EPB41L1: variants seen among roughly 807,000 people sequenced by gnomAD.
EPB41L1 encodes the protein band 4.1-like protein 1.
EPB41L1 carries 29 observed loss-of-function variants against 97.8 expected under a neutral mutation model. The ratio of observed to expected loss-of-function variants is 0.30; its 90% CI spans 0.22 to 0.40. The LOEUF (loss-of-function observed/expected upper bound fraction) is 0.40. Ranked by LOEUF, EPB41L1 falls within the 10% of genes least tolerant of loss-of-function variation. The pLI is 1.00. For synonymous variants in EPB41L1, 383 were observed against 459.2 expected, an observed-to-expected ratio of 0.83 and a Z score of 2.12; for missense variants, 812 against 1,162.3, an observed-to-expected ratio of 0.70 and a Z score of 4.38.
intron 5 of EPB41L1, among the ~76,000 whole-genome samples, chr20:36,179,033 C>T (rs1381742165): frequency 6.6e-6 from 1 of 151,376 alleles, no homozygotes; most frequent in African/African-American, 2.4e-5. Context: ...TGAGATCATG[C>T]CACTGCACTC....
Position 36,182,378 on chromosome 20 carries a change from C to G in EPB41L1, c.566+31C>G, listed in dbSNP as rs200837660. 56 of 1,610,922 alleles carry G rather than the reference C, an allele frequency of 3.5e-5. No homozygotes were observed. The East Asian group carries it at 1.1e-3, about 31-fold the overall frequency. ...GGCTGTGGAGGGAGAGACAGGTGTG[C>G]TGGCTGTGTGGGACTATGGATGAGG... is the stretch of plus-strand genomic sequence containing the variant. On this transcript the variant is annotated intron_variant, in intron 6 of 21. Coordinates refer to ENST00000338074, the MANE Select transcript of EPB41L1 (RefSeq NM_012156.2).
In EPB41L1 at chr20:36,195,314, A is replaced by AC; in HGVS notation, c.1450-13dup. The AC allele has an allele frequency of 6.2e-7, 1 of 1,613,194 alleles. No homozygotes were observed. The highest frequency in any genetic ancestry group is 8.5e-7 in the Non-Finnish European group (1 of 1,179,774). On this transcript the variant is annotated splice_polypyrimidine_tract_variant and intron_variant, in intron 12 of 21. Coordinates refer to ENST00000338074, the MANE Select transcript of EPB41L1 (RefSeq NM_012156.2). The surrounding 1 kb of genome is among the most constrained non-coding windows in gnomAD (Gnocchi z 4.6). The stretch of plus-strand genomic sequence containing the variant: ...GACCCTGCTGCTTTCTTTCCCTCCT[A>AC]CCACATCCCACTAGCCGGAGCAGGA...
chr20:36,168,709 A>G (rs2060844419), intron 1 of EPB41L1, among the ~76,000 whole-genome samples: 1 of 151,442 alleles, frequency 6.6e-6, no homozygotes. Flanking sequence ...ACGTGCCACC[A>G]CGCCCAGCTA....
At position 36,187,824 on chromosome 20, in the gene EPB41L1, C is replaced by A. The variant is rs1600824263; in HGVS notation, c.873+61C>A. 5 of 1,481,704 alleles carry A rather than the reference C, an allele frequency of 3.4e-6. No homozygotes were observed. In the East Asian group the frequency reaches 1.2e-4, roughly 34 times the overall value. 91.8% of individuals were successfully genotyped at this position (1,481,704 alleles called of 1,614,324 possible). A position where few individuals can be genotyped will look rare whatever the true frequency, so the allele number is the denominator to read the frequency against. ...GTGGTGCCCCCAAAGAACTATCAGG[C>A]CTTTCCCTAGGGCGTGGTGTGCCAG... is the stretch of plus-strand genomic sequence containing the variant. On this transcript the variant is annotated intron_variant, in intron 8 of 21. Transcript: ENST00000338074.
intron 1 of EPB41L1, among the ~76,000 whole-genome samples, chr20:36,166,969 AT>A (rs2060763606): frequency 6.6e-6 from 1 of 152,184 alleles, no homozygotes; most frequent in Non-Finnish European, 1.5e-5. Context: ...GATAGTGGTG[AT>A]TTTTGCACAA....
chr20:36,146,269 G>A (rs1257908906), intron 2 of EPB41L1, among the ~76,000 whole-genome samples: 1 of 152,170 alleles, frequency 6.6e-6, no homozygotes, highest in African/African-American at 2.4e-5. Context: ...AGAGGAGTTC[G>A]ACAAATCCCA....
In EPB41L1 at chr20:36,187,760, C is replaced by G. The variant is rs1491003345; in HGVS notation, c.870C>G (p.Ala290=). Residue 290 remains alanine (A), a synonymous_variant, in exon 8 of 22, where the codon GCC becomes GCG. Coordinates refer to ENST00000338074, the MANE Select transcript of EPB41L1 (RefSeq NM_012156.2). ...LSMYGVDLHH[A]KDSEGIDIML... The stretch of plus-strand genomic sequence containing the variant: ...TGTACGGAGTAGACCTGCACCATGC[C>G]AAGGTACCACCAGCTTCCTGGGTTC... 1 of 1,613,582 alleles carries G rather than the reference C, an allele frequency of 6.2e-7. No individual in the cohort carries two copies. The highest frequency in any genetic ancestry group is 2.2e-5 in the East Asian group (1 of 44,874).
At chr20:36,110,233 G>T (rs2058345833) in intron 1 of EPB41L1, among the ~76,000 whole-genome samples, 1 of 152,296 alleles carries the variant, frequency 6.6e-6, no homozygotes, top group Non-Finnish European at 1.5e-5. Flanking sequence ...AAGCCACCAT[G>T]CCCGGCCTTG....
chr20:36,226,931 C>T (rs2064195347), intron 21 of EPB41L1, among the ~76,000 whole-genome samples: 1 of 152,046 alleles, frequency 6.6e-6, no homozygotes, highest in South Asian at 2.1e-4. Flanking sequence ...AAGGAAAAAC[C>T]AAACCAAACC....
intron 1 of EPB41L1, among the ~76,000 whole-genome samples, chr20:36,158,839 T>A (rs547821100): frequency 1.3e-5 from 2 of 152,200 alleles, no homozygotes; most frequent in Non-Finnish European, 2.9e-5. Flanking sequence ...TCTCTCCCGC[T>A]TCTGTCTCTC....
intron 1 of EPB41L1, 121 bp from the exon 2 acceptor site, chr20:36,173,643 G>C: frequency 1.2e-6 from 1 of 867,992 alleles, no homozygotes; most frequent in South Asian, 1.4e-5. Flanking sequence ...TCCTCCCTTT[G>C]CCCTGTGACT....
At chr20:36,134,184 A>G (rs2059329902) in intron 2 of EPB41L1, among the ~76,000 whole-genome samples, 1 of 152,222 alleles carries the variant, frequency 6.6e-6, no homozygotes, top group South Asian at 2.1e-4. Context: ...ACCTCCCAGA[A>G]TTAGGCTTCC....
intron 13 of EPB41L1, among the ~76,000 whole-genome samples, chr20:36,196,326 A>T (rs553573888): frequency 6.6e-6 from 1 of 152,322 alleles, no homozygotes; most frequent in Admixed American, 6.5e-5. Flanking sequence ...GGACCCCAGG[A>T]TCCCACTGCT....
At chr20:36,210,878 G>T (rs2063093168) in intron 15 of EPB41L1, among the ~76,000 whole-genome samples, 1 of 152,176 alleles carries the variant, frequency 6.6e-6, no homozygotes, top group African/African-American at 2.4e-5. Flanking sequence ...TGGATGAATG[G>T]CTGGGTTACA....
intron 1 of EPB41L1, among the ~76,000 whole-genome samples, chr20:36,108,363 C>A (rs2058270573): frequency 6.6e-6 from 1 of 151,986 alleles, no homozygotes; most frequent in South Asian, 2.1e-4. Context: ...TTCCCTCATT[C>A]CTTTGTGCTT....
At chr20:36,198,846 G>A (rs1211201989) in intron 14 of EPB41L1, among the ~76,000 whole-genome samples, 3 of 152,108 alleles carry the variant, frequency 2.0e-5, no homozygotes, top group African/African-American at 4.8e-5. Context: ...TTCTGGCTCC[G>A]CTGCCTGCCA....
At chr20:36,113,957 C>T (rs183795681) in intron 2 of EPB41L1, among the ~76,000 whole-genome samples, 3 of 152,244 alleles carry the variant, frequency 2.0e-5, no homozygotes, top group East Asian at 3.9e-4. Flanking sequence ...AGATGAGACT[C>T]TAGGTATTAA....
chr20:36,197,210 G>A (rs1381674060), intron 13 of EPB41L1, among the ~76,000 whole-genome samples: 1 of 152,248 alleles, frequency 6.6e-6, no homozygotes, highest in African/African-American at 2.4e-5. Context: ...CTGGTCCCTA[G>A]TGTGGGAGCT....
chr20:36,124,745 G>GT (rs2058893599), intron 2 of EPB41L1, among the ~76,000 whole-genome samples: 2 of 152,294 alleles, frequency 1.3e-5, no homozygotes, highest in African/African-American at 4.8e-5. Flanking sequence ...ATGGCGCACA[G>GT]TAGGTATTCA....
Sources: allele counts gnomAD v4.1 joint callset (sites outside exome capture counted in the v4.1 genomes callset), GRCh38; gene constraint gnomAD v4.1.1; non-coding constraint Gnocchi (gnomAD v3.1); transcripts MANE v1.5; gene names NCBI Gene and HGNC (gene_info 2026-07-23, HGNC 2026-07-21).